The following ADARB2 variants were observed in gnomAD, a reference collection of about 807,000 sequenced individuals.
ADARB2 encodes adenosine deaminase RNA specific B2 (inactive).
Under a neutral mutation model 62.2 loss-of-function variants are expected in ADARB2, and 25 were observed. The observed-to-expected ratio is 0.40, with a 90% CI of 0.29 to 0.56. The LOEUF is 0.56. ADARB2 is among the 20% of genes least tolerant of loss of function. The pLI is 0.43. For missense variants in ADARB2, 1,071 were observed against 1,077.4 expected (o/e 0.99, Z 0.08); for synonymous variants, 572 against 500.8 (o/e 1.14, Z -1.90).
In ADARB2 at chr10:1,639,897, A is replaced by AAAC. The variant is rs1164776484; in HGVS notation, c.100+97153_100+97154insGTT. 8.6e-3 allele frequency among the ~76,000 whole-genome samples: 1,287 copies of AAAC among 150,020 alleles called. 14 individuals carry two copies. The highest frequency in any genetic ancestry group is 0.026 in the East Asian group (131 of 5,088). ...ACAAACAAACAAACAAACAAACAAAAACATGAAGAGGGCTCAGGCCAAGCC... is the reference window on the plus strand; with the variant it reads ...ACAAACAAACAAACAAACAAACAAAAAACACATGAAGAGGGCTCAGGCCAAGCC... On this transcript the variant is annotated intron_variant, in intron 1 of 9. Transcript: ENST00000381312.
chr10:1,248,490 G>A (rs1290569263), intron 4 of ADARB2, among the ~76,000 whole-genome samples: 2 of 151,780 alleles, frequency 1.3e-5, no homozygotes, highest in African/African-American at 2.4e-5. Flanking sequence ...AGCTGTGGAC[G>A]TTCCCAGGCG....
intron 1 of ADARB2, among the ~76,000 whole-genome samples, chr10:1,624,322 A>T (rs990879184): frequency 1.3e-5 from 2 of 152,212 alleles, no homozygotes; most frequent in Non-Finnish European, 2.9e-5. Flanking sequence ...TCCATTTTAA[A>T]CCACTAAAGA....
At chr10:1,452,501 G>A (rs1831051780) in intron 1 of ADARB2, among the ~76,000 whole-genome samples, 1 of 152,070 alleles carries the variant, frequency 6.6e-6, no homozygotes, top group African/African-American at 2.4e-5. Context: ...GCAGAGACAT[G>A]GATGAAGCTG....
intron 1 of ADARB2, among the ~76,000 whole-genome samples, chr10:1,411,919 A>G (rs1832763225): frequency 6.6e-6 from 1 of 152,240 alleles, no homozygotes. Flanking sequence ...TTCTATACAT[A>G]AAGACCTGAA....
rs1014800937 is a variant in ADARB2, at chr10:1,599,921, T to A, written c.100+137130A>T. ...ATCACCACACCTAATTTTTGTATTT[T>A]TTTTCTAGAAATGGAGTTTCACCAT... On this transcript the variant is annotated intron_variant, in intron 1 of 9. Transcript: ENST00000381312. Among the ~76,000 whole-genome samples the A allele has an allele frequency of 2.0e-5, 3 of 152,054 alleles. No individual in the cohort carries two copies. In the East Asian group the frequency reaches 5.8e-4, roughly 29 times the overall value.
At chr10:1,580,430 A>G (rs1833080453) in intron 1 of ADARB2, among the ~76,000 whole-genome samples, 1 of 151,090 alleles carries the variant, frequency 6.6e-6, no homozygotes. Flanking sequence ...AATTGTGTAT[A>G]TATGTTGGTC....
At chr10:1,284,882 G>A (rs1482962684) in intron 3 of ADARB2, among the ~76,000 whole-genome samples, 3 of 152,118 alleles carry the variant, frequency 2.0e-5, no homozygotes, top group Non-Finnish European at 4.4e-5. Context: ...GACCCTCATG[G>A]TCTGGCCCAC....
chr10:1,348,652 T>G (rs1162797704), intron 3 of ADARB2, among the ~76,000 whole-genome samples: 2 of 151,706 alleles, frequency 1.3e-5, no homozygotes, highest in African/African-American at 4.8e-5. Context: ...GGAACCTGAG[T>G]TGACATGGGG....
rs115404930 is a variant in ADARB2, at chr10:1,205,799, C to G, written c.1683-5652G>C. Among the ~76,000 whole-genome samples, 504 of 152,350 alleles carry G rather than the reference C, an allele frequency of 3.3e-3. 5 individuals carry two copies. Among genetic ancestry groups the G allele is most frequent in the African/African-American group, 0.012 (479 of 41,596 alleles). On this transcript the variant is annotated intron_variant, in intron 7 of 9. Transcript: ENST00000381312. ...GTTCTGCGTGGTGGCCGGGATGGACCGAGACTGGGTAGATGCCATCCTGAC... is the reference window on the plus strand; with the variant it reads ...GTTCTGCGTGGTGGCCGGGATGGACGGAGACTGGGTAGATGCCATCCTGAC...
intron 3 of ADARB2, among the ~76,000 whole-genome samples, chr10:1,327,308 A>C (rs879101919): frequency 5.3e-4 from 21 of 39,936 alleles, no homozygotes; most frequent in African/African-American, 1.4e-3. Context: ...TCCCCACGGC[A>C]CAGCACCTCC....
chr10:1,487,454 G>T (rs1184031762), intron 1 of ADARB2, among the ~76,000 whole-genome samples: 6 of 152,342 alleles, frequency 3.9e-5, no homozygotes, highest in African/African-American at 1.4e-4. Flanking sequence ...GAGAGGAGGT[G>T]CCTGCTGCTG....
chr10:1,626,325 T>C (rs4393238), intron 1 of ADARB2, among the ~76,000 whole-genome samples: 18,136 of 62,470 alleles, frequency 0.29, 2,127 homozygotes, highest in Non-Finnish European at 0.32. Flanking sequence ...CGTCTGCCCA[T>C]GCTCTCTCCT....
At chr10:1,214,128 T>A (rs1330325829) in intron 7 of ADARB2, among the ~76,000 whole-genome samples, 1 of 107,242 alleles carries the variant, frequency 9.3e-6, no homozygotes, top group Non-Finnish European at 2.0e-5. Context: ...TCCAGCGTCA[T>A]GTAGGTTTGC....
chr10:1,303,253 C>T (rs972117111), intron 3 of ADARB2, among the ~76,000 whole-genome samples: 9 of 151,754 alleles, frequency 5.9e-5, no homozygotes, highest in South Asian at 2.1e-4. Context: ...GGAGCCGATG[C>T]GATCAACTGG....
At chr10:1,247,747 C>A (rs1055685073) in intron 4 of ADARB2, among the ~76,000 whole-genome samples, 2 of 152,164 alleles carry the variant, frequency 1.3e-5, no homozygotes, top group Non-Finnish European at 2.9e-5. Flanking sequence ...CAGGGGACAG[C>A]GCGAGGGTGC....
At chr10:1,253,286 T>C (rs1467015771) in intron 4 of ADARB2, among the ~76,000 whole-genome samples, 1 of 152,214 alleles carries the variant, frequency 6.6e-6, no homozygotes, top group Non-Finnish European at 1.5e-5. Flanking sequence ...CTTGCTAGAA[T>C]AACACACAAA....
At position 1,234,737 on chromosome 10, in the gene ADARB2, CTTTTTTTTTTTTTTT is replaced by C. The variant is rs71376899; in HGVS notation, c.1362-907_1362-893del. 4.9e-4 allele frequency among the ~76,000 whole-genome samples: 26 copies of C among 53,608 alleles called. 1 individual carries two copies. Among genetic ancestry groups the C allele is most frequent in the East Asian group, 7.5e-4 (1 of 1,332 alleles). The allele number at this position is 53,608 out of a possible 152,430, so 35.2% of individuals were successfully genotyped here. On this transcript the variant is annotated intron_variant, in intron 5 of 9. Transcript: ENST00000381312. ...GATTACAGGTGCGAGCGACCATGAT[CTTTTTTTTTTTTTTT>C]TTTTTTTTTTTTTTTTGTGACGGAG...
intron 1 of ADARB2, among the ~76,000 whole-genome samples, chr10:1,530,591 T>G (rs1390599538): frequency 6.6e-6 from 1 of 152,180 alleles, no homozygotes; most frequent in Non-Finnish European, 1.5e-5. Flanking sequence ...TTCATCAGCC[T>G]CGTCCGCCCC....
chr10:1,584,367 A>G (rs1442042272), intron 1 of ADARB2, among the ~76,000 whole-genome samples: 1 of 152,154 alleles, frequency 6.6e-6, no homozygotes, highest in Admixed American at 6.5e-5. Context: ...GTCACTAGAG[A>G]ACGCAGATAA....
Sources: allele counts gnomAD v4.1 joint callset (sites outside exome capture counted in the v4.1 genomes callset), GRCh38; gene constraint gnomAD v4.1.1; transcripts MANE v1.5; gene names NCBI Gene and HGNC (gene_info 2026-07-23, HGNC 2026-07-21).